Variants in TRAPPC8 observed in about 807,000 individuals in gnomAD.
TRAPPC8 encodes trafficking protein particle complex subunit 8, also known as general sporulation gene 1 homolog.
In TRAPPC8, 54 loss-of-function variants were observed where a neutral mutation model predicts 174.3. The ratio of observed to expected loss-of-function variants is 0.31; its 90% CI spans 0.25 to 0.39. The LOEUF (loss-of-function observed/expected upper bound fraction) is 0.39, where lower values mean the gene tolerates loss of function less well. Among genes scored for constraint, TRAPPC8 ranks in the 10% least tolerant of loss-of-function variants. The pLI, the probability that TRAPPC8 is intolerant of heterozygous loss-of-function variation, is 1.00. For missense variants in TRAPPC8, 1,531 were observed against 1,699.1 expected (o/e 0.90, Z 1.74); for synonymous variants, 630 against 579.9 (o/e 1.09, Z -1.24).
At chr18:31,853,812 T>C (rs750186148) in intron 22 of TRAPPC8, 37 bp downstream of exon 22, 1 of 1,510,212 alleles carries the variant, frequency 6.6e-7, no homozygotes, top group East Asian at 2.3e-5. Context: ...GTAATGAAGT[T>C]TCAAAATTTA....
intron 18 of TRAPPC8, among the ~76,000 whole-genome samples, chr18:31,865,218 T>C (rs2034528825): frequency 6.6e-6 from 1 of 152,092 alleles, no homozygotes; most frequent in Non-Finnish European, 1.5e-5. Flanking sequence ...ATACACTAAT[T>C]TGAATTATTT....
chr18:31,921,059 T>C (rs2037366804), intron 2 of TRAPPC8, among the ~76,000 whole-genome samples: 1 of 151,616 alleles, frequency 6.6e-6, no homozygotes, highest in South Asian at 2.1e-4. Flanking sequence ...AAAAGATACA[T>C]TAGCAGCTGT....
At chr18:31,893,942 A>G (rs2036077617) in intron 11 of TRAPPC8, among the ~76,000 whole-genome samples, 1 of 152,236 alleles carries the variant, frequency 6.6e-6, no homozygotes. Flanking sequence ...GGACATTCTC[A>G]TAAGCTAAGA....
chr18:31,858,407 A>G (rs1470986827), intron 19 of TRAPPC8, among the ~76,000 whole-genome samples: 2 of 152,208 alleles, frequency 1.3e-5, no homozygotes, highest in African/African-American at 4.8e-5. Flanking sequence ...GATATGCCAG[A>G]TTTACTATGG....
At chr18:31,935,565 A>AAAAAAAAAAAAAAAAAAAAAAAC (rs2038059625) in intron 1 of TRAPPC8, among the ~76,000 whole-genome samples, 1 of 143,456 alleles carries the variant, frequency 7.0e-6, no homozygotes, top group African/African-American at 2.6e-5. Flanking sequence ...AAAAAAAAAA[A>AAAAAAAAAAAAAAAAAAAAAAAC]AAAGCAGGCT....
chr18:31,908,427 AAG>A lies in TRAPPC8; in HGVS notation c.1123-11_1123-10del, dbSNP rs767723945. 4.1e-4 allele frequency: 616 copies of A among 1,516,190 alleles called. 1 individual carries two copies. Among genetic ancestry groups the A allele is most frequent in the Middle Eastern group, 8.8e-4 (5 of 5,668 alleles). 93.9% of individuals were successfully genotyped at this position (1,516,190 alleles called of 1,614,324 possible). On this transcript the variant is annotated splice_polypyrimidine_tract_variant and intron_variant, in intron 7 of 28. Transcript: ENST00000283351. ...CCTTTTCTTGATATTAGCTTTAAAA[AAG>A]AGATTAAATATGTTGACAAACAAAG...
chr18:31,924,271 G>C (rs1260934186), intron 2 of TRAPPC8, among the ~76,000 whole-genome samples: 1 of 149,690 alleles, frequency 6.7e-6, no homozygotes, highest in East Asian at 2.0e-4. Context: ...GGCAACAAGA[G>C]CAAGAATCCG....
intron 12 of TRAPPC8, among the ~76,000 whole-genome samples, chr18:31,879,661 C>T (rs963506118): frequency 2.0e-5 from 3 of 151,704 alleles, no homozygotes; most frequent in East Asian, 1.9e-4. Flanking sequence ...AGAAATCATA[C>T]AAAGAATCAA....
At chr18:31,929,553 T>C (rs1025364473) in intron 2 of TRAPPC8, among the ~76,000 whole-genome samples, 3 of 151,654 alleles carry the variant, frequency 2.0e-5, no homozygotes, top group Non-Finnish European at 2.9e-5. Context: ...TAGCCTGGCA[T>C]AGTTGGTAGG....
At chr18:31,904,544 CAAAT>C (rs1031885755) in intron 9 of TRAPPC8, among the ~76,000 whole-genome samples, 11 of 152,090 alleles carry the variant, frequency 7.2e-5, no homozygotes, top group African/African-American at 9.7e-5. Context: ...GAAGAAAAAA[CAAAT>C]AATGATTTGA....
intron 21 of TRAPPC8, among the ~76,000 whole-genome samples, chr18:31,854,735 G>A (rs906841309): frequency 3.9e-5 from 6 of 151,980 alleles, no homozygotes; most frequent in African/African-American, 9.7e-5. Flanking sequence ...TGGGGAGGCC[G>A]AGGTGGGCGG....
intron 6 of TRAPPC8, 58 bp from the exon 7 acceptor site, chr18:31,909,068 T>C (rs757493631): frequency 6.9e-6 from 10 of 1,441,440 alleles, no homozygotes; most frequent in Middle Eastern, 3.6e-4. Context: ...ACAGTGCTAA[T>C]ACTACCATAC....
chr18:31,924,462 G>GA (rs1183461154), intron 2 of TRAPPC8, among the ~76,000 whole-genome samples: 5,854 of 96,820 alleles, frequency 0.06, 275 homozygotes, highest in African/African-American at 0.14. Context: ...CCTCCCCACC[G>GA]AAAAAAAAAA....
In TRAPPC8 at chr18:31,839,410, A is replaced by G. The variant is rs780315137; in HGVS notation, c.3885T>C (p.Ile1295=). 13 of 1,610,552 alleles carry G rather than the reference A, an allele frequency of 8.1e-6. No individual in the cohort carries two copies. The Admixed American group carries it at 2.2e-4, about 27-fold the overall frequency. ...ELLKFFRPEN[I]TVSSRPSVEQ... ...CTACTGATGGCCTTGAGGAAACTGT[A>G]ATGTTTTCTGGCCTGAAAAATTTCA... Residue 1295 remains isoleucine (I), a synonymous_variant, in exon 27 of 29, where the codon ATT becomes ATC. Transcript: ENST00000283351.
chr18:31,903,666 C>G (rs2036539197), intron 9 of TRAPPC8, among the ~76,000 whole-genome samples: 1 of 152,186 alleles, frequency 6.6e-6, no homozygotes, highest in East Asian at 1.9e-4. Context: ...ATCTTATAGA[C>G]AGTGCAAAGA....
rs1407591573 is a variant in TRAPPC8, at chr18:31,857,725, A to C, written c.3003T>G (p.Ser1001=). 6.2e-7 allele frequency: 1 copy of C among 1,614,196 alleles called. No homozygotes were observed. Among genetic ancestry groups the C allele is most frequent in the East Asian group, 2.2e-5 (1 of 44,882 alleles). The change falls in exon 20 of 29, where the codon TCT becomes TCG. Residue 1001 remains serine (S), a synonymous_variant. Coordinates refer to ENST00000283351, the MANE Select transcript of TRAPPC8 (RefSeq NM_014939.5). The part of the protein sequence containing the change: ...VCTALISSAS[S]VDFGIGTGSQ... ...TTCCTGTGCCAATGCCAAAGTCTAC[A>C]GAAGAAGCTGATGATATGAGTGCTG...
intron 9 of TRAPPC8, among the ~76,000 whole-genome samples, chr18:31,903,464 T>C (rs939783359): frequency 1.3e-5 from 2 of 152,156 alleles, no homozygotes; most frequent in African/African-American, 4.8e-5. Flanking sequence ...TAGCTTAAGA[T>C]TTCTACTATC....
At chr18:31,838,010 C>T (rs1251383706) in intron 27 of TRAPPC8, among the ~76,000 whole-genome samples, 3 of 150,932 alleles carry the variant, frequency 2.0e-5, no homozygotes, top group African/African-American at 7.3e-5. Flanking sequence ...TGCTGTTTTG[C>T]CCAGGCTAGA....
chr18:31,893,660 T>C (rs2036062852), intron 11 of TRAPPC8, among the ~76,000 whole-genome samples: 1 of 152,170 alleles, frequency 6.6e-6, no homozygotes, highest in Admixed American at 6.5e-5. Flanking sequence ...AGTTTTACTT[T>C]CTGTAGCCTT....
Sources: allele counts gnomAD v4.1 joint callset (sites outside exome capture counted in the v4.1 genomes callset), GRCh38; gene constraint gnomAD v4.1.1; transcripts MANE v1.5; gene names NCBI Gene and HGNC (gene_info 2026-07-23, HGNC 2026-07-21).